PARP2: variants seen among roughly 807,000 people sequenced by gnomAD.
The protein encoded by PARP2 is poly [ADP-ribose] polymerase 2.
In PARP2, 57 loss-of-function variants were observed where a neutral mutation model predicts 77.8. The ratio of observed to expected loss-of-function variants is 0.73; its 90% CI spans 0.59 to 0.91. The LOEUF (loss-of-function observed/expected upper bound fraction) is 0.91, where lower values mean the gene tolerates loss of function less well. PARP2 is among the 40% of genes least tolerant of loss of function. The pLI is 0.00. For synonymous variants in PARP2, 226 were observed against 242.6 expected, an observed-to-expected ratio of 0.93 and a Z score of 0.64; for missense variants, 651 against 689.0, an observed-to-expected ratio of 0.94 and a Z score of 0.62.
At chr14:20,352,796 C>G (rs1884006894) in intron 7 of PARP2, 1 of 152,552 alleles carries the variant, frequency 6.6e-6, no homozygotes, top group African/African-American at 2.4e-5. Context: ...GGTGCTCTCA[C>G]TGATCTTTGT....
Position 20,356,895 on chromosome 14 carries a change from A to G in PARP2, c.1330-156A>G, listed in dbSNP as rs1008869127. 5.9e-6 allele frequency: 4 copies of G among 676,810 alleles called. No homozygotes were observed. In the African/African-American group the frequency reaches 7.2e-5, roughly 12 times the overall value. The allele number at this position is 676,810 out of a possible 1,614,324, so 41.9% of individuals were successfully genotyped here. A position where few individuals can be genotyped will look rare whatever the true frequency, so the allele number is the denominator to read the frequency against. ...TTTCCCTCAGAAGGCGGAAATTCAC[A>G]GGGGCTTCTACCCTCTCTAGAACAG... On this transcript the variant is annotated intron_variant, in intron 13 of 15. Coordinates refer to ENST00000429687, the MANE Select transcript of PARP2 (RefSeq NM_001042618.2).
In PARP2 at chr14:20,343,688, G is replaced by A. The variant is rs1883598837; in HGVS notation, c.46+1G>A. On this transcript the variant is annotated splice_donor_variant, in intron 1 of 15. Transcript: ENST00000429687. LOFTEE classifies it high-confidence loss of function. The stretch of plus-strand genomic sequence containing the variant: ...AGCACCGGCGGCGGCAGGGCGAGAG[G>A]TTCGGAGCTCAATATCGCGGGACGG... 1 of 1,609,402 alleles carries A rather than the reference G, an allele frequency of 6.2e-7. No individual in the cohort carries two copies. The highest frequency in any genetic ancestry group is 8.5e-7 in the Non-Finnish European group (1 of 1,178,682).
intron 6 of PARP2, 76 bp downstream of exon 6, chr14:20,351,198 T>A: frequency 9.1e-7 from 1 of 1,101,282 alleles, no homozygotes. Flanking sequence ...AATTTTTTTT[T>A]AGACAGTTTC....
At chr14:20,352,380 A>C (rs754088084) in intron 7 of PARP2, 33 bp downstream of exon 7, 19 of 1,267,122 alleles carry the variant, frequency 1.5e-5, no homozygotes, top group Admixed American at 7.1e-5. Flanking sequence ...AAAGAAACAC[A>C]TCTTCTTTTT....
At chr14:20,345,827 G>A (rs184618690) in intron 3 of PARP2, among the ~76,000 whole-genome samples, 20 of 152,144 alleles carry the variant, frequency 1.3e-4, no homozygotes, top group African/African-American at 3.6e-4. Flanking sequence ...GAATAGGCAC[G>A]TCACATGGCA....
intron 4 of PARP2, among the ~76,000 whole-genome samples, chr14:20,350,251 C>A (rs1883907355): frequency 6.6e-6 from 1 of 152,136 alleles, no homozygotes; most frequent in Non-Finnish European, 1.5e-5. Context: ...CAGGAAAAAA[C>A]TGGAGGAGCC....
chr14:20,349,581 A>G (rs1331655109), intron 4 of PARP2, among the ~76,000 whole-genome samples: 1 of 151,976 alleles, frequency 6.6e-6, no homozygotes, highest in Non-Finnish European at 1.5e-5. Flanking sequence ...GCTGAGGCAC[A>G]AGAAATTGCT....
intron 3 of PARP2, 69 bp from the exon 4 acceptor site, chr14:20,346,792 TTA>T (rs1306660204): frequency 1.0e-6 from 1 of 991,216 alleles, no homozygotes; most frequent in Non-Finnish European, 1.6e-6. Flanking sequence ...ATAAGAAAAT[TTA>T]GAGCCTCATT....
chr14:20,356,713 G>A (rs995402833), intron 13 of PARP2, 24 bp downstream of exon 13: 81 of 1,507,422 alleles, frequency 5.4e-5, no homozygotes, highest in Non-Finnish European at 7.1e-5. Context: ...AACTCTGGGA[G>A]GAGCACAGGG....
intron 7 of PARP2, 41 bp downstream of exon 7, chr14:20,352,388 TTTTTA>T (rs764897380): frequency 3.2e-6 from 4 of 1,264,216 alleles, no homozygotes; most frequent in Non-Finnish European, 4.6e-6. Context: ...ACATCTTCTT[TTTTTA>T]TTTTATTTTT....
rs1464367356 is a variant in PARP2, at chr14:20,345,554, C to G, written c.273+90C>G. ...ACTCCTGTCTGGGATGCTGTTAGTA[C>G]TCATTTTAGGAATCCTCTCCAAAAT... On this transcript the variant is annotated intron_variant, in intron 3 of 15. Coordinates refer to ENST00000429687, the MANE Select transcript of PARP2 (RefSeq NM_001042618.2). The G allele has an allele frequency of 3.2e-6, 3 of 933,186 alleles. No homozygotes were observed. The African/African-American group carries it at 4.9e-5, about 15-fold the overall frequency. 57.8% of individuals were successfully genotyped at this position (933,186 alleles called of 1,614,324 possible).
At chr14:20,348,032 CCTGA>C (rs1281764391) in intron 4 of PARP2, among the ~76,000 whole-genome samples, 1 of 152,050 alleles carries the variant, frequency 6.6e-6, no homozygotes. Context: ...TGCCACAAAG[CCTGA>C]CTAATTTTTA....
chr14:20,343,981 C>G (rs1446180407), intron 1 of PARP2, among the ~76,000 whole-genome samples: 1 of 152,148 alleles, frequency 6.6e-6, no homozygotes, highest in Admixed American at 6.6e-5. Context: ...TTATACACAA[C>G]AAAGGATAAG....
At chr14:20,346,549 G>C (rs1220573629) in intron 3 of PARP2, 4 of 216,762 alleles carry the variant, frequency 1.8e-5, no homozygotes, top group Non-Finnish European at 3.7e-5. Context: ...GGCCAAGCTG[G>C]TCTCGAATGC....
At chr14:20,353,294 T>A (rs1200098767) in intron 7 of PARP2, among the ~76,000 whole-genome samples, 1 of 151,772 alleles carries the variant, frequency 6.6e-6, no homozygotes, top group Non-Finnish European at 1.5e-5. Context: ...CAGGCTGGAG[T>A]GCAGTGGCGC....
At position 20,354,892 on chromosome 14, in the gene PARP2, C is replaced by T. The variant is rs751074729; in HGVS notation, c.847C>T (p.Arg283Ter). ...EDCIRAGQHG[R>*]ALMEACNEFY... ...TTGTATTCGGGCTGGCCAGCATGGACGAGCTCTCATGGAAGCATGCAATGA... is the reference window on the plus strand; with the variant it reads ...TTGTATTCGGGCTGGCCAGCATGGATGAGCTCTCATGGAAGCATGCAATGA... Residue 283 changes from arginine to a stop codon, truncating the protein, a stop_gained, in exon 9 of 16, where the codon CGA becomes TGA. Transcript: ENST00000429687. LOFTEE classifies it high-confidence loss of function. 1.1e-5 allele frequency: 17 copies of T among 1,613,848 alleles called. No individual in the cohort carries two copies. The South Asian group carries it at 1.4e-4, about 14-fold the overall frequency.
rs375274966 is a variant in PARP2 at position 20,346,866 on chromosome 14, CAT to C, written c.278_279del (p.His93ArgfsTer4). Reference protein sequence around the residue: ...PECTAKVGKAHVYCEGNDVYD... With the variant: ...PECTAKVGKAXVYCEGNDVYD... ...TTTTCTCTCTCTCCCTTTCTAGGCTCATGTGTATTGTGAAGGAAATGATGTCT... is the reference window on the plus strand; with the variant it reads ...TTTTCTCTCTCTCCCTTTCTAGGCTCGTGTATTGTGAAGGAAATGATGTCT... On this transcript the variant is annotated frameshift_variant, in exon 4 of 16. Transcript: ENST00000429687. LOFTEE classifies it high-confidence loss of function. The C allele has an allele frequency of 1.8e-5, 29 of 1,600,436 alleles. No homozygotes were observed. Among genetic ancestry groups the C allele is most frequent in the African/African-American group, 1.6e-4 (12 of 74,452 alleles).
intron 6 of PARP2, 40 bp from the exon 7 acceptor site, chr14:20,352,205 C>A (rs753023391): frequency 1.8e-6 from 2 of 1,082,864 alleles, no homozygotes; most frequent in Admixed American, 3.5e-5. Flanking sequence ...TCATAGTAGA[C>A]CTTTATTTGT....
chr14:20,357,517 C>T lies in PARP2; in HGVS notation c.1550C>T (p.Thr517Ile), dbSNP rs1884202495. The T allele has an allele frequency of 6.2e-7, 1 of 1,609,462 alleles. No individual in the cohort carries two copies. Among genetic ancestry groups the T allele is most frequent in the Non-Finnish European group, 8.5e-7 (1 of 1,178,438 alleles). ...KMAPSSAHFV[T>I]LNGSTVPLGP... ...GCTCCCAGTTCTGCCCACTTCGTCA[C>T]CCTGTAAGTACTCAGAACCAGGAGG... is the stretch of plus-strand genomic sequence containing the variant. The change falls in exon 15 of 16, where the codon ACC becomes ATC. Residue 517 changes from threonine (T) to isoleucine (I), a missense_variant. Thr to Ile is a moderately conservative substitution (Grantham distance 89, BLOSUM62 -1). Transcript: ENST00000429687.
Sources: gnomAD v4.1 joint callset for allele counts (sites outside exome capture counted in the v4.1 genomes callset) on GRCh38, gnomAD v4.1.1 for gene constraint, MANE v1.5 for transcripts, NCBI Gene and HGNC (gene_info 2026-07-23, HGNC 2026-07-21) for gene names.